Variants in EPN1 observed in about 807,000 individuals in gnomAD.
EPN1 encodes epsin 1, also known as epsin-1.
EPN1 carries 25 observed loss-of-function variants against 56.9 expected under a neutral mutation model. The ratio of observed to expected loss-of-function variants is 0.44; its 90% CI spans 0.32 to 0.61. The LOEUF (loss-of-function observed/expected upper bound fraction) is 0.61. Among genes scored for constraint, EPN1 ranks in the 20% least tolerant of loss-of-function variants. EPN1 has a pLI of 0.05. For missense variants in EPN1, 785 were observed against 823.7 expected, an observed-to-expected ratio of 0.95 and a Z score of 0.58; for synonymous variants, 411 against 361.8, an observed-to-expected ratio of 1.14 and a Z score of -1.54.
rs1215675670 is a variant in EPN1, at chr19:55,705,716, C to T, written c.*10360C>T. The stretch of plus-strand genomic sequence containing the variant: ...AATAAAGGCCAAAGGTAGAGAAAAT[C>T]TTGAAAGTATCGAGAAAATGACATG... On this transcript the variant is annotated 3_prime_UTR_variant, in exon 11 of 11. Transcript: ENST00000270460. 6.6e-6 allele frequency: 1 copy of T among 151,188 alleles called. No individual in the cohort carries two copies. The highest frequency in any genetic ancestry group is 1.5e-5 in the Non-Finnish European group (1 of 67,846). 9.4% of individuals were successfully genotyped at this position (151,188 alleles called of 1,614,324 possible).
In EPN1 at chr19:55,695,115, C is replaced by A. The variant is rs1278059772; in HGVS notation, c.1523-33C>A. Reference sequence around the variant, plus strand: ...ACACAGGTGGGCTGCGCCACTGACTCCACTCCGTGTCTCTGGTTTACTCTT... The same window carrying A: ...ACACAGGTGGGCTGCGCCACTGACTACACTCCGTGTCTCTGGTTTACTCTT... On this transcript the variant is annotated intron_variant, in intron 10 of 10. Transcript: ENST00000270460. The surrounding 1 kb of genome is among the most constrained non-coding windows in gnomAD (Gnocchi z 4.4). 6.2e-7 allele frequency: 1 copy of A among 1,613,024 alleles called. No homozygotes were observed. Among genetic ancestry groups the A allele is most frequent in the Admixed American group, 1.7e-5 (1 of 60,000 alleles).
intron 1 of EPN1, chr19:55,677,097 A>G (rs1985487511): frequency 6.5e-7 from 1 of 1,541,084 alleles, no homozygotes; most frequent in Non-Finnish European, 8.8e-7. Context: ...TCTCTCCGTC[A>G]TCCCTATCTC....
Position 55,685,641 on chromosome 19 carries a change from C to T in EPN1, c.474C>T (p.Ala158=). Residue 158 remains alanine (A), a synonymous_variant, in exon 3 of 11, where the codon GCC becomes GCT. Coordinates refer to ENST00000270460, the MANE Select transcript of EPN1 (RefSeq NM_001130072.2). Reference sequence around the variant, plus strand: ...CCAAGGAAAAGCTGGCACAGACCGCCACGGGTGAGTCCCTCCCTGCGGCCC... The same window carrying T: ...CCAAGGAAAAGCTGGCACAGACCGCTACGGGTGAGTCCCTCCCTGCGGCCC... ...LKTKEKLAQT[A]TASSAAVGSG... The T allele has an allele frequency of 6.3e-7, 1 of 1,594,380 alleles. No individual in the cohort carries two copies. The highest frequency in any genetic ancestry group is 1.1e-5 in the South Asian group (1 of 88,344).
intron 3 of EPN1, 141 bp downstream of exon 3, chr19:55,685,786 CT>C: frequency 8.8e-7 from 1 of 1,134,396 alleles, no homozygotes; most frequent in African/African-American, 1.5e-5. Flanking sequence ...ACCTGGGCCC[CT>C]TGCTCTGGTC....
In EPN1 at chr19:55,694,416, C is replaced by T. The variant is rs548841816; in HGVS notation, c.1265-310C>T. 5 of 321,144 alleles carry T rather than the reference C, an allele frequency of 1.6e-5. No individual in the cohort carries two copies. The highest frequency in any genetic ancestry group is 1.3e-4 in the South Asian group (1 of 7,708). The allele number at this position is 321,144 out of a possible 1,614,324, so 19.9% of individuals were successfully genotyped here. A position where few individuals can be genotyped will look rare whatever the true frequency, so the allele number is the denominator to read the frequency against. On this transcript the variant is annotated intron_variant, in intron 9 of 10. Transcript: ENST00000270460. The surrounding 1 kb of genome is among the most constrained non-coding windows in gnomAD (Gnocchi z 4.2). ...AACACGCCCCCGCTGCCTTCCCCCG[C>T]GGGCCTATAGACCCTGGACGGCCCC...
chr19:55,703,044 A>G lies in EPN1; in HGVS notation c.*7688A>G, dbSNP rs60961721. ...TCAATCTGACCTTGTGATTCCGCCC[A>G]CCTCGGCCTCCCAAAGTGCTGGGAT... On this transcript the variant is annotated 3_prime_UTR_variant, in exon 11 of 11. Coordinates refer to ENST00000270460, the MANE Select transcript of EPN1 (RefSeq NM_001130072.2). 7,326 of 151,988 alleles carry G rather than the reference A, an allele frequency of 0.048. 282 individuals carry two copies. Among genetic ancestry groups the G allele is most frequent in the East Asian group, 0.23 (1,153 of 5,116 alleles). 9.4% of individuals were successfully genotyped at this position (151,988 alleles called of 1,614,324 possible).
At position 55,689,671 on chromosome 19, in the gene EPN1, C is replaced by T. The variant is rs1185997960; in HGVS notation, c.679-196C>T. 1.3e-5 allele frequency among the ~76,000 whole-genome samples: 2 copies of T among 152,224 alleles called. No individual in the cohort carries two copies. Among genetic ancestry groups the T allele is most frequent in the African/African-American group, 2.4e-5 (1 of 41,456 alleles). ...CCCCGGGTGCGCCAGCACAGCACCCCACTCCCCTTATCCCCTGTCCCGCCT... is the reference window on the plus strand; with the variant it reads ...CCCCGGGTGCGCCAGCACAGCACCCTACTCCCCTTATCCCCTGTCCCGCCT... On this transcript the variant is annotated intron_variant, in intron 5 of 10. Transcript: ENST00000270460. The surrounding 1 kb of genome is among the most constrained non-coding windows in gnomAD (Gnocchi z 5.7).
Position 55,705,815 on chromosome 19 carries a change from A to AG in EPN1, c.*10459_*10460insG. 8.1e-6 allele frequency: 1 copy of AG among 123,222 alleles called. No homozygotes were observed. The highest frequency in any genetic ancestry group is 2.4e-4 in the East Asian group (1 of 4,176). 7.6% of individuals were successfully genotyped at this position (123,222 alleles called of 1,614,324 possible). A position where few individuals can be genotyped will look rare whatever the true frequency, so the allele number is the denominator to read the frequency against. On this transcript the variant is annotated 3_prime_UTR_variant, in exon 11 of 11. Coordinates refer to ENST00000270460, the MANE Select transcript of EPN1 (RefSeq NM_001130072.2). ...GAATATTTGTTGTTGTGGGATATATATATATATATATATTTAGAGTGTTGT... is the reference window on the plus strand; with the variant it reads ...GAATATTTGTTGTTGTGGGATATATAGTATATATATATATTTAGAGTGTTGT...
Position 55,697,886 on chromosome 19 carries a change from G to A in EPN1, c.*2530G>A, listed in dbSNP as rs914311692. 1 of 152,168 alleles carries A rather than the reference G, an allele frequency of 6.6e-6. No individual in the cohort carries two copies. Among genetic ancestry groups the A allele is most frequent in the Admixed American group, 6.5e-5 (1 of 15,268 alleles). The allele number at this position is 152,168 out of a possible 1,614,324, so 9.4% of individuals were successfully genotyped here. On this transcript the variant is annotated 3_prime_UTR_variant, in exon 11 of 11. Transcript: ENST00000270460. Reference sequence around the variant, plus strand: ...GTGTATCACTCTTTCTACAGCAGATGTGTCTCTCTCCCCACAGTGGGATGG... The same window carrying A: ...GTGTATCACTCTTTCTACAGCAGATATGTCTCTCTCCCCACAGTGGGATGG...
chr19:55,682,621 T>C (rs1291531810), intron 2 of EPN1, among the ~76,000 whole-genome samples: 1 of 151,974 alleles, frequency 6.6e-6, no homozygotes, highest in Non-Finnish European at 1.5e-5. Context: ...TTTTTAGAGC[T>C]GGGGTTTTGC....
At position 55,694,904 on chromosome 19, in the gene EPN1, C is replaced by T. The variant is rs773412356; in HGVS notation, c.1443C>T (p.Leu481=). ...PESFLGPNAA[L]VDLDSLVSRP... ...CATTCCTGGGGCCCAATGCAGCCCT[C>T]GTCGACCTGGACTCGCTGGTGAGCC... The change falls in exon 10 of 11, where the codon CTC becomes CTT. Residue 481 remains leucine, a synonymous_variant. Transcript: ENST00000270460. The surrounding 1 kb of genome is among the most constrained non-coding windows in gnomAD (Gnocchi z 4.2). The T allele has an allele frequency of 7.4e-5, 117 of 1,588,848 alleles. 2 individuals are homozygous for T. The highest frequency in any genetic ancestry group is 5.6e-4 in the South Asian group (49 of 87,522).
At position 55,675,236 on chromosome 19, in the gene EPN1, C is replaced by A. The variant is rs1239574295; in HGVS notation, c.-301C>A. 2 of 152,090 alleles carry A rather than the reference C, an allele frequency of 1.3e-5. No homozygotes were observed. The highest frequency in any genetic ancestry group is 4.8e-5 in the African/African-American group (2 of 41,450). The allele number at this position is 152,090 out of a possible 1,614,324, so 9.4% of individuals were successfully genotyped here. On this transcript the variant is annotated 5_prime_UTR_variant, in exon 1 of 11. Coordinates refer to ENST00000270460, the MANE Select transcript of EPN1 (RefSeq NM_001130072.2). ...GTCCGTCGCCTCCTTCTGTTGCTTC[C>A]CGTCTCCTCGGCGGCTCCCCTCCCC...
intron 1 of EPN1, chr19:55,676,900 T>C (rs2122154574): frequency 2.8e-6 from 1 of 363,542 alleles, no homozygotes; most frequent in Middle Eastern, 7.3e-4. Flanking sequence ...GGTTTCTATG[T>C]GTCTCTTTCT....
Position 55,697,348 on chromosome 19 carries a change from A to T in EPN1, c.*1992A>T, listed in dbSNP as rs1986949876. On this transcript the variant is annotated 3_prime_UTR_variant, in exon 11 of 11. Coordinates refer to ENST00000270460, the MANE Select transcript of EPN1 (RefSeq NM_001130072.2). ...CCAATCTTGGTCTCCCCACAGGGTC[A>T]TAGCTCCTGGGCCCCTCACTTGTCA... 6.6e-6 allele frequency: 1 copy of T among 152,224 alleles called. No homozygotes were observed. The highest frequency in any genetic ancestry group is 1.5e-5 in the Non-Finnish European group (1 of 68,044). 9.4% of individuals were successfully genotyped at this position (152,224 alleles called of 1,614,324 possible). A position where few individuals can be genotyped will look rare whatever the true frequency, so the allele number is the denominator to read the frequency against.
rs1201019917 is a variant in EPN1, at chr19:55,691,666, C to T, written c.763-88C>T. The stretch of plus-strand genomic sequence containing the variant: ...GCTGTCTGGACACCCAGGGCCTGGC[C>T]GCCTCCCCCGCCACGGGCCCCAGCT... On this transcript the variant is annotated intron_variant, in intron 6 of 10. Transcript: ENST00000270460. The surrounding 1 kb of genome is among the most constrained non-coding windows in gnomAD (Gnocchi z 5.6). 2.0e-5 allele frequency: 25 copies of T among 1,236,480 alleles called. No individual in the cohort carries two copies. Among genetic ancestry groups the T allele is most frequent in the Middle Eastern group, 1.9e-4 (1 of 5,174 alleles). 76.6% of individuals were successfully genotyped at this position (1,236,480 alleles called of 1,614,324 possible).
At chr19:55,685,314 G>A (rs1156268685) in intron 2 of EPN1, 82 bp from the exon 3 acceptor site, 19 of 1,524,618 alleles carry the variant, frequency 1.2e-5, no homozygotes, top group East Asian at 7.3e-5. Flanking sequence ...CCAGTCGGCC[G>A]CCCCAGAGCC....
Position 55,708,776 on chromosome 19 carries a change from T to TA in EPN1, c.*13421dup. On this transcript the variant is annotated 3_prime_UTR_variant, in exon 11 of 11. Coordinates refer to ENST00000270460, the MANE Select transcript of EPN1 (RefSeq NM_001130072.2). ...GAATCACACTCCATAATCATATTGCTAGAACACTTAGGGAGTACCTCTGAA... is the reference window on the plus strand; with the variant it reads ...GAATCACACTCCATAATCATATTGCTAAGAACACTTAGGGAGTACCTCTGAA... 1.7e-6 allele frequency: 1 copy of TA among 592,018 alleles called. No homozygotes were observed. Among genetic ancestry groups the TA allele is most frequent in the Non-Finnish European group, 2.9e-6 (1 of 342,170 alleles). 36.7% of individuals were successfully genotyped at this position (592,018 alleles called of 1,614,324 possible). A position where few individuals can be genotyped will look rare whatever the true frequency, so the allele number is the denominator to read the frequency against.
chr19:55,690,792 C>T (rs570512222), intron 6 of EPN1, among the ~76,000 whole-genome samples: 30 of 152,192 alleles, frequency 2.0e-4, no homozygotes, highest in Non-Finnish European at 4.3e-4. Flanking sequence ...AGGCGGCAGA[C>T]AGCTTGTGGC....
chr19:55,692,098 G>A, intron 7 of EPN1, 41 bp downstream of exon 7: 1 of 1,390,656 alleles, frequency 7.2e-7, no homozygotes, highest in Non-Finnish European at 9.3e-7. Context: ...CTACGCCTGT[G>A]TGCACCTGTC....
Sources: gnomAD v4.1 joint callset for allele counts (sites outside exome capture counted in the v4.1 genomes callset) on GRCh38, gnomAD v4.1.1 for gene constraint, Gnocchi (gnomAD v3.1) non-coding constraint, MANE v1.5 for transcripts, NCBI Gene and HGNC (gene_info 2026-07-23, HGNC 2026-07-21) for gene names.